Variants in UBAP2 observed in about 807,000 individuals in gnomAD.
UBAP2 encodes the protein ubiquitin associated protein 2, also known as ubiquitin-associated protein 2.
Under a neutral mutation model 139.6 loss-of-function variants are expected in UBAP2, and 75 were observed. The ratio of observed to expected loss-of-function variants is 0.54; its 90% CI spans 0.45 to 0.65. The LOEUF (loss-of-function observed/expected upper bound fraction) is 0.65, where lower values mean the gene tolerates loss of function less well. Among genes scored for constraint, UBAP2 ranks in the 30% least tolerant of loss-of-function variants. The probability of loss-of-function intolerance (pLI) is 0.00; values close to 1 mark genes in which losing one functional copy is unlikely to be tolerated. For missense variants in UBAP2, 1,368 were observed against 1,369.6 expected, an observed-to-expected ratio of 1.00 and a Z score of 0.02; for synonymous variants, 526 against 526.2, an observed-to-expected ratio of 1.00 and a Z score of 0.01.
At chr9:33,966,341 C>A (rs1325784644) in intron 8 of UBAP2, among the ~76,000 whole-genome samples, 3 of 151,602 alleles carry the variant, frequency 2.0e-5, no homozygotes, top group Non-Finnish European at 4.4e-5. Flanking sequence ...CACCTGTAAT[C>A]CTAGCTACTC....
intron 1 of UBAP2, among the ~76,000 whole-genome samples, chr9:34,038,271 A>G (rs1044805182): frequency 6.6e-6 from 1 of 152,016 alleles, no homozygotes; most frequent in African/African-American, 2.4e-5. Flanking sequence ...CAACACAGTG[A>G]AACTCTGTCT....
At chr9:34,038,143 G>GGA (rs1436196061) in intron 1 of UBAP2, among the ~76,000 whole-genome samples, 5 of 127,222 alleles carry the variant, frequency 3.9e-5, no homozygotes, top group South Asian at 2.7e-4. Flanking sequence ...TCCAGCCTGG[G>GGA]AAAAAAAAAA....
intron 3 of UBAP2, 51 bp downstream of exon 3, chr9:33,998,736 C>T: frequency 6.6e-7 from 1 of 1,505,750 alleles, no homozygotes; most frequent in Non-Finnish European, 9.1e-7. Flanking sequence ...TCTTTTTAAG[C>T]ACAATCAAAA....
Position 33,924,288 on chromosome 9 carries a change from G to GGA in UBAP2, c.2512-6_2512-5dup. On this transcript the variant is annotated splice_polypyrimidine_tract_variant and splice_region_variant and intron_variant, in intron 22 of 28. Coordinates refer to ENST00000379238, the MANE Select transcript of UBAP2 (RefSeq NM_001370062.2). ...CAAAGGGAATTCCATAGTAGTCCTA[G>GGA]GAGAGACCAGGGAGGCTTGATCAGC... 4 of 1,613,082 alleles carry GGA rather than the reference G, an allele frequency of 2.5e-6. No individual in the cohort carries two copies. The South Asian group carries it at 4.4e-5, about 18-fold the overall frequency.
At chr9:34,024,306 C>A (rs558009433) in intron 1 of UBAP2, among the ~76,000 whole-genome samples, 22 of 150,830 alleles carry the variant, frequency 1.5e-4, no homozygotes, top group Admixed American at 1.4e-3. Flanking sequence ...TGCGCCATTG[C>A]ACTCCAGCCT....
At chr9:33,951,700 C>T (rs1176527817) in intron 12 of UBAP2, among the ~76,000 whole-genome samples, 2 of 152,046 alleles carry the variant, frequency 1.3e-5, no homozygotes, top group African/African-American at 4.8e-5. Flanking sequence ...TCTAATACAA[C>T]GCCACACAAA....
chr9:34,006,232 CAAAAAGA>C (rs1472399618), intron 2 of UBAP2, among the ~76,000 whole-genome samples: 1 of 110,902 alleles, frequency 9.0e-6, no homozygotes, highest in African/African-American at 3.7e-5. Flanking sequence ...AGACTCATCT[CAAAAAGA>C]AAAAAAAAAA....
At chr9:33,960,963 C>CG (rs1042150713) in intron 9 of UBAP2, 85 bp from the exon 10 acceptor site, 44 of 1,375,896 alleles carry the variant, frequency 3.2e-5, no homozygotes, top group Admixed American at 8.6e-5. Context: ...GTGTACTATG[C>CG]GGGGAAAAAA....
intron 20 of UBAP2, among the ~76,000 whole-genome samples, chr9:33,927,404 T>C (rs1369658276): frequency 6.6e-6 from 1 of 152,120 alleles, no homozygotes; most frequent in Non-Finnish European, 1.5e-5. Context: ...AAGGAAGCCA[T>C]GCAGTGCCAG....
At chr9:33,925,947 G>A (rs553993630) in intron 22 of UBAP2, among the ~76,000 whole-genome samples, 7 of 152,298 alleles carry the variant, frequency 4.6e-5, no homozygotes, top group East Asian at 1.9e-4. Context: ...GGCAAGGAGC[G>A]GGCCTATTCC....
At chr9:33,945,456 C>T (rs766129101) in intron 13 of UBAP2, among the ~76,000 whole-genome samples, 5 of 151,824 alleles carry the variant, frequency 3.3e-5, no homozygotes, top group African/African-American at 9.7e-5. Context: ...GCTGAGATGG[C>T]GCCACTGCAC....
Position 33,923,040 on chromosome 9 carries a change from G to A in UBAP2, c.3005-7C>T, listed in dbSNP as rs371486819. ...CTTGAAGACACTGATACTCCTAGGA[G>A]GAAAAGCAGTTGTTCCCCACAGCAG... On this transcript the variant is annotated splice_region_variant and splice_polypyrimidine_tract_variant and intron_variant, in intron 26 of 28. Transcript: ENST00000379238. 1.2e-6 allele frequency: 2 copies of A among 1,613,988 alleles called. No homozygotes were observed. The highest frequency in any genetic ancestry group is 1.3e-5 in the African/African-American group (1 of 74,908).
intron 17 of UBAP2, chr9:33,935,527 A>G (rs1824418648): frequency 5.7e-6 from 2 of 352,480 alleles, no homozygotes. Flanking sequence ...TTGGCCCCCC[A>G]AAGCACTGGG....
intron 2 of UBAP2, among the ~76,000 whole-genome samples, chr9:34,005,887 A>G (rs530245717): frequency 5.9e-5 from 9 of 152,326 alleles, no homozygotes; most frequent in African/African-American, 2.2e-4. Context: ...TGAGAATATC[A>G]ATCCCTAAAT....
At chr9:33,986,452 A>T (rs552982510) in intron 6 of UBAP2, among the ~76,000 whole-genome samples, 4 of 152,310 alleles carry the variant, frequency 2.6e-5, no homozygotes, top group African/African-American at 9.6e-5. Context: ...AATAAGGTTT[A>T]AAAAACCCTA....
intron 11 of UBAP2, among the ~76,000 whole-genome samples, chr9:33,955,103 A>C (rs899325001): frequency 6.6e-6 from 1 of 152,160 alleles, no homozygotes; most frequent in Admixed American, 6.5e-5. Flanking sequence ...AAAATAAGAG[A>C]TCTGTATTAG....
intron 1 of UBAP2, among the ~76,000 whole-genome samples, chr9:34,027,038 T>C (rs935074446): frequency 1.3e-5 from 2 of 152,204 alleles, no homozygotes; most frequent in African/African-American, 4.8e-5. Flanking sequence ...TCTATACTGG[T>C]ATATTTCTGT....
At chr9:33,960,156 C>T (rs1011909689) in intron 10 of UBAP2, among the ~76,000 whole-genome samples, 5 of 151,488 alleles carry the variant, frequency 3.3e-5, no homozygotes, top group African/African-American at 1.2e-4. Context: ...TCAGGCAGTT[C>T]TCATATTCCT....
At position 33,944,219 on chromosome 9, in the gene UBAP2, G is replaced by C; in HGVS notation, c.1545+146C>G. 9.2e-6 allele frequency: 10 copies of C among 1,081,556 alleles called. No individual in the cohort carries two copies. In the East Asian group the frequency reaches 2.2e-4, roughly 23 times the overall value. 67.0% of individuals were successfully genotyped at this position (1,081,556 alleles called of 1,614,324 possible). On this transcript the variant is annotated intron_variant, in intron 14 of 28. Coordinates refer to ENST00000379238, the MANE Select transcript of UBAP2 (RefSeq NM_001370062.2). ...CCTCTAATACTAGTCTGGTCACTCAGAAATGGCCATATCCTTATTATGCAA... is the reference window on the plus strand; with the variant it reads ...CCTCTAATACTAGTCTGGTCACTCACAAATGGCCATATCCTTATTATGCAA...
Sources: gnomAD v4.1 joint callset for allele counts (sites outside exome capture counted in the v4.1 genomes callset) on GRCh38, gnomAD v4.1.1 for gene constraint, MANE v1.5 for transcripts, NCBI Gene and HGNC (gene_info 2026-07-23, HGNC 2026-07-21) for gene names.